Variants in CNKSR2 observed in about 807,000 individuals in gnomAD.
The protein encoded by CNKSR2 is connector enhancer of kinase suppressor of Ras 2.
Under a neutral mutation model 84.4 loss-of-function variants are expected in CNKSR2, and 14 were observed. The ratio of observed to expected loss-of-function variants is 0.17; its 90% CI spans 0.11 to 0.26. The LOEUF is 0.26. Among genes scored for constraint, CNKSR2 ranks in the 10% least tolerant of loss-of-function variants. The pLI is 1.00. For missense variants in CNKSR2, 485 were observed against 771.2 expected (o/e 0.63, Z 4.40); for synonymous variants, 275 against 277.9 (o/e 0.99, Z 0.10).
In CNKSR2 at chrX:21,612,697, A is replaced by G. The variant is rs535832100; in HGVS notation, c.2692+3080A>G. ...CTTACCTTATATCACAATATATGTT[A>G]TATAGTGCTTATGAGCTTACAGAGC... is the stretch of plus-strand genomic sequence containing the variant. On this transcript the variant is annotated intron_variant, in intron 20 of 21. Coordinates refer to ENST00000379510, the MANE Select transcript of CNKSR2 (RefSeq NM_014927.5). Among the ~76,000 whole-genome samples, 5 of 112,111 alleles carry G rather than the reference A, an allele frequency of 4.5e-5. No individual in the cohort carries two copies. The South Asian group carries it at 1.9e-3, about 42-fold the overall frequency.
intron 13 of CNKSR2, among the ~76,000 whole-genome samples, chrX:21,576,237 A>G (rs992850053): frequency 8.9e-6 from 1 of 112,632 alleles, no homozygotes; most frequent in African/African-American, 3.2e-5. Flanking sequence ...TCTGATTATA[A>G]TGAAATCAAA....
intron 11 of CNKSR2, among the ~76,000 whole-genome samples, chrX:21,548,124 G>A (rs2092046581): frequency 1.8e-5 from 2 of 111,638 alleles, no homozygotes; most frequent in Non-Finnish European, 3.8e-5. Flanking sequence ...CAAAGAATCA[G>A]TGAATCCAAG....
chrX:21,446,756 T>C lies in CNKSR2; in HGVS notation c.519+5975T>C, dbSNP rs779097356. Among the ~76,000 whole-genome samples the C allele has an allele frequency of 9.0e-5, 10 of 111,387 alleles. No individual in the cohort carries two copies. In the East Asian group the frequency reaches 2.2e-3, roughly 25 times the overall value. ...ATATCAGAAGGAGAATAGATGAGGG[T>C]GTACTAAACTCATCAATTCCTTTTA... On this transcript the variant is annotated intron_variant, in intron 4 of 21. Transcript: ENST00000379510.
At chrX:21,583,401 T>TA (rs1462089494) in intron 13 of CNKSR2, among the ~76,000 whole-genome samples, 3 of 112,088 alleles carry the variant, frequency 2.7e-5, no homozygotes, top group Non-Finnish European at 5.6e-5. Context: ...TCTTCCTACA[T>TA]ACAATAATTA....
At chrX:21,553,691 CT>C (rs58438160) in intron 11 of CNKSR2, among the ~76,000 whole-genome samples, 3,316 of 110,913 alleles carry the variant, frequency 0.03, 121 homozygotes, top group African/African-American at 0.1. Context: ...AACTAGTTAC[CT>C]TATTATCTTT....
intron 20 of CNKSR2, among the ~76,000 whole-genome samples, chrX:21,633,699 G>A (rs964609455): frequency 9.8e-5 from 11 of 112,041 alleles, no homozygotes; most frequent in African/African-American, 2.9e-4. Flanking sequence ...TTTTGCAATG[G>A]CTATAAAGTC....
intron 17 of CNKSR2, among the ~76,000 whole-genome samples, 170 bp downstream of exon 17, chrX:21,595,565 A>G (rs1457606860): frequency 9.0e-6 from 1 of 111,356 alleles, no homozygotes; most frequent in Non-Finnish European, 1.9e-5. Flanking sequence ...ACATCATTTA[A>G]AAAGTCAAAA....
intron 5 of CNKSR2, among the ~76,000 whole-genome samples, chrX:21,471,345 C>T (rs1365281258): frequency 8.9e-6 from 1 of 111,911 alleles, no homozygotes; most frequent in Non-Finnish European, 1.9e-5. Flanking sequence ...GAAAGGCCAT[C>T]TCCTGCCTTC....
chrX:21,589,388 A>T, intron 13 of CNKSR2, among the ~76,000 whole-genome samples: 1 of 112,435 alleles, frequency 8.9e-6, no homozygotes, highest in East Asian at 2.8e-4. Context: ...TTGTGAAAAA[A>T]GACCAGCAAA....
chrX:21,644,588 C>T (rs1450590522), intron 20 of CNKSR2: 1 of 111,344 alleles, frequency 9.0e-6, no homozygotes, highest in African/African-American at 3.3e-5. Context: ...AACCATCACT[C>T]TGTTTGAATG....
At chrX:21,489,494 C>G (rs754568941) in intron 5 of CNKSR2, among the ~76,000 whole-genome samples, 3 of 111,046 alleles carry the variant, frequency 2.7e-5, no homozygotes, top group Non-Finnish European at 5.7e-5. Context: ...TCAGTAAATA[C>G]AATGAGAGTC....
intron 11 of CNKSR2, among the ~76,000 whole-genome samples, chrX:21,548,184 A>T (rs889817191): frequency 1.8e-5 from 2 of 111,974 alleles, no homozygotes; most frequent in African/African-American, 6.5e-5. Context: ...CCAGACTAAT[A>T]AGGAAAAAAT....
intron 4 of CNKSR2, among the ~76,000 whole-genome samples, chrX:21,469,408 C>A (rs1280374858): frequency 9.0e-6 from 1 of 111,587 alleles, no homozygotes; most frequent in Non-Finnish European, 1.9e-5. Flanking sequence ...ATATGTATTT[C>A]TTCTGACAAG....
chrX:21,426,480 A>G lies in CNKSR2; in HGVS notation c.65-17A>G, dbSNP rs1334015468. The G allele has an allele frequency of 8.3e-7, 1 of 1,201,515 alleles. No individual in the cohort carries two copies. The highest frequency in any genetic ancestry group is 1.1e-6 in the Non-Finnish European group (1 of 888,581). On this transcript the variant is annotated splice_polypyrimidine_tract_variant and intron_variant, in intron 1 of 21. Transcript: ENST00000379510. ...GACCATGTTTTCATTCTGGTCTTTC[A>G]TACTTTTATTTTGTAGGTCTTGATG...
intron 1 of CNKSR2, among the ~76,000 whole-genome samples, chrX:21,410,480 T>C (rs2090328612): frequency 9.0e-6 from 1 of 111,295 alleles, no homozygotes; most frequent in East Asian, 2.8e-4. Flanking sequence ...TTTAATTTCA[T>C]TATGCTATGT....
intron 1 of CNKSR2, among the ~76,000 whole-genome samples, chrX:21,406,502 T>C (rs2090265692): frequency 9.0e-6 from 1 of 111,694 alleles, no homozygotes; most frequent in South Asian, 3.8e-4. Flanking sequence ...TATGTACTGA[T>C]GATATGATTA....
At chrX:21,612,279 A>G (rs982606320) in intron 20 of CNKSR2, among the ~76,000 whole-genome samples, 5 of 112,166 alleles carry the variant, frequency 4.5e-5, no homozygotes, top group African/African-American at 9.7e-5. Flanking sequence ...TTATACACGG[A>G]AACGAAGCTG....
At chrX:21,481,037 C>T (rs941015344) in intron 5 of CNKSR2, among the ~76,000 whole-genome samples, 1 of 111,824 alleles carries the variant, frequency 8.9e-6, no homozygotes, top group Non-Finnish European at 1.9e-5. Flanking sequence ...TGCCTCCATT[C>T]CTACATCTGT....
At chrX:21,565,709 G>A (rs768097013) in intron 13 of CNKSR2, among the ~76,000 whole-genome samples, 2 of 111,054 alleles carry the variant, frequency 1.8e-5, no homozygotes, top group Non-Finnish European at 3.8e-5. Flanking sequence ...TTTAGAAGAA[G>A]CAAAATAATC....
Sources: gnomAD v4.1 joint callset for allele counts (sites outside exome capture counted in the v4.1 genomes callset) on GRCh38, gnomAD v4.1.1 for gene constraint, MANE v1.5 for transcripts, NCBI Gene and HGNC (gene_info 2026-07-23, HGNC 2026-07-21) for gene names.